The following ARMH3 variants were observed in gnomAD, a reference collection of about 807,000 sequenced individuals.
ARMH3 encodes the protein armadillo-like helical domain-containing protein 3.
Under a neutral mutation model 99.1 loss-of-function variants are expected in ARMH3, and 60 were observed. That is an observed-to-expected ratio of 0.61 (90% CI 0.49 to 0.75). The LOEUF (loss-of-function observed/expected upper bound fraction) is 0.75. ARMH3 is among the 30% of genes least tolerant of loss of function. The pLI, the probability that ARMH3 is intolerant of heterozygous loss-of-function variation, is 0.00. For synonymous variants in ARMH3, 285 were observed against 292.8 expected (o/e 0.97, Z 0.27); for missense variants, 679 against 843.1 (o/e 0.81, Z 2.41).
chr10:102,001,439 C>T (rs2136060483), intron 15 of ARMH3, among the ~76,000 whole-genome samples: 1 of 152,288 alleles, frequency 6.6e-6, no homozygotes, highest in South Asian at 2.1e-4. Flanking sequence ...AATCACACAA[C>T]AAAACCTCAA....
chr10:101,941,083 C>T (rs1344234841), intron 22 of ARMH3, among the ~76,000 whole-genome samples: 1 of 152,124 alleles, frequency 6.6e-6, no homozygotes, highest in African/African-American at 2.4e-5. Context: ...GAGACAAGTA[C>T]GGTAACTGAT....
At chr10:101,915,505 G>A (rs1483193877) in intron 23 of ARMH3, among the ~76,000 whole-genome samples, 1 of 152,180 alleles carries the variant, frequency 6.6e-6, no homozygotes, top group African/African-American at 2.4e-5. Context: ...ACTGAATAGA[G>A]ATAGTTTGGC....
At chr10:101,873,054 T>C (rs1338581328) in intron 24 of ARMH3, among the ~76,000 whole-genome samples, 1 of 151,998 alleles carries the variant, frequency 6.6e-6, no homozygotes, top group African/African-American at 2.4e-5. Context: ...CATGGTGTAG[T>C]TGGAACTTTC....
chr10:101,897,041 G>A (rs1425184806), intron 23 of ARMH3, among the ~76,000 whole-genome samples: 1 of 152,184 alleles, frequency 6.6e-6, no homozygotes, highest in Non-Finnish European at 1.5e-5. Flanking sequence ...TGAGAAGAAA[G>A]TTTCTCTTAT....
chr10:101,891,896 C>T (rs910667282), intron 23 of ARMH3, among the ~76,000 whole-genome samples: 1 of 152,014 alleles, frequency 6.6e-6, no homozygotes, highest in Middle Eastern at 3.2e-3. Flanking sequence ...ATCACTTGAG[C>T]CCAGGAGTTC....
chr10:101,925,471 A>G (rs1414971810), intron 23 of ARMH3, among the ~76,000 whole-genome samples: 1 of 152,252 alleles, frequency 6.6e-6, no homozygotes, highest in Non-Finnish European at 1.5e-5. Flanking sequence ...AATGTTCAGC[A>G]GTAGTACACA....
chr10:101,926,427 G>C (rs1003506177), intron 23 of ARMH3, among the ~76,000 whole-genome samples: 4 of 151,976 alleles, frequency 2.6e-5, no homozygotes, highest in Non-Finnish European at 5.9e-5. Context: ...CAAAGCGCTG[G>C]GATTACAAGT....
intron 4 of ARMH3, among the ~76,000 whole-genome samples, chr10:102,031,393 T>C (rs1306102749): frequency 6.6e-6 from 1 of 152,252 alleles, no homozygotes; most frequent in African/African-American, 2.4e-5. Flanking sequence ...CAATATTTTA[T>C]GGGTCACTAA....
intron 23 of ARMH3, among the ~76,000 whole-genome samples, chr10:101,934,917 T>C (rs1183181804): frequency 6.6e-6 from 1 of 152,002 alleles, no homozygotes; most frequent in East Asian, 1.9e-4. Context: ...AGACAAAAGT[T>C]TCCAAATTTC....
chr10:101,939,605 C>T (rs1206809360), intron 23 of ARMH3, among the ~76,000 whole-genome samples: 1 of 152,166 alleles, frequency 6.6e-6, no homozygotes, highest in Admixed American at 6.5e-5. Flanking sequence ...TGGCAACTAG[C>T]ATGCCTGAAA....
At chr10:102,033,496 C>T (rs2067182160) in intron 2 of ARMH3, 157 bp from the exon 3 acceptor site, 2 of 756,598 alleles carry the variant, frequency 2.6e-6, no homozygotes, top group African/African-American at 1.8e-5. Context: ...CGGCTCACTG[C>T]AGGCTCCGCC....
chr10:102,044,788 GGAAAA>G (rs1225624721), intron 1 of ARMH3, among the ~76,000 whole-genome samples: 1 of 151,488 alleles, frequency 6.6e-6, no homozygotes, highest in Non-Finnish European at 1.5e-5. Context: ...CAGTATAGAA[GGAAAA>G]GAAGAGAAGA....
At position 101,975,284 on chromosome 10, in the gene ARMH3, C is replaced by A; in HGVS notation, c.1423G>T (p.Val475Leu). Residue 475 changes from valine (V) to leucine (L), a missense_variant, in exon 20 of 26, where the codon GTA (valine) becomes TTA (leucine). Around this residue, in one of 3 missense-constraint regions of ARMH3, gnomAD observed 389 missense variants for 456.5 expected, o/e 0.85. Coordinates refer to ENST00000370033, the MANE Select transcript of ARMH3 (RefSeq NM_024541.3). ...TTCTGGTAGCAGAGCAGTTTGTGTA[C>A]TACCTGGATGCAGCGTCTGTAACAG... ...MDLYIRCIQV[V>L]HKLLCYQKKC... is the part of the protein sequence containing the mutation. The A allele has an allele frequency of 6.2e-7, 1 of 1,612,454 alleles. No individual in the cohort carries two copies. Among genetic ancestry groups the A allele is most frequent in the Non-Finnish European group, 8.5e-7 (1 of 1,178,934 alleles).
In ARMH3 at chr10:102,052,234, G is replaced by A. The variant is rs118023604; in HGVS notation, c.-12+3851C>T. Among the ~76,000 whole-genome samples the A allele has an allele frequency of 8.2e-3, 1,241 of 150,466 alleles. 27 individuals are homozygous for A. The highest frequency in any genetic ancestry group is 0.082 in the East Asian group (417 of 5,110). ...AATCATCTTCTTCCCCCACTCCCCCGCCCCACCGAAAGACAGTCTCCCTCT... is the reference window on the plus strand; with the variant it reads ...AATCATCTTCTTCCCCCACTCCCCCACCCCACCGAAAGACAGTCTCCCTCT... On this transcript the variant is annotated intron_variant, in intron 1 of 25. Transcript: ENST00000370033.
At chr10:102,055,433 G>A (rs747756523) in intron 1 of ARMH3, among the ~76,000 whole-genome samples, 4 of 152,160 alleles carry the variant, frequency 2.6e-5, no homozygotes, top group Non-Finnish European at 4.4e-5. Flanking sequence ...ATTCGCCAGG[G>A]GCAGCACGCC....
chr10:101,920,265 TGAC>T (rs1304455807), intron 23 of ARMH3, among the ~76,000 whole-genome samples: 1 of 152,072 alleles, frequency 6.6e-6, no homozygotes, highest in Non-Finnish European at 1.5e-5. Flanking sequence ...GGAGGTGAGT[TGAC>T]AAGTTGGGAA....
At chr10:101,924,768 C>A (rs758584649) in intron 23 of ARMH3, among the ~76,000 whole-genome samples, 5 of 152,012 alleles carry the variant, frequency 3.3e-5, no homozygotes, top group Non-Finnish European at 5.9e-5. Context: ...CCAAGGTGGG[C>A]GGATCACCTG....
intron 20 of ARMH3, among the ~76,000 whole-genome samples, chr10:101,973,008 G>A (rs1845837241): frequency 6.6e-6 from 1 of 151,936 alleles, no homozygotes; most frequent in Non-Finnish European, 1.5e-5. Flanking sequence ...TTCCTAGTGA[G>A]AAGAAAAAAA....
At chr10:101,932,803 T>C (rs906647216) in intron 23 of ARMH3, among the ~76,000 whole-genome samples, 5 of 152,118 alleles carry the variant, frequency 3.3e-5, no homozygotes, top group African/African-American at 9.7e-5. Context: ...AGAGTTTCAG[T>C]TGAAGAAAAA....
Sources: allele counts gnomAD v4.1 joint callset (sites outside exome capture counted in the v4.1 genomes callset), GRCh38; gene constraint gnomAD v4.1.1; regional missense constraint gnomAD v4.1.1; transcripts MANE v1.5; gene names NCBI Gene and HGNC (gene_info 2026-07-23, HGNC 2026-07-21).